USP43: variants seen among roughly 807,000 people sequenced by gnomAD.
USP43 encodes ubiquitin specific peptidase 43.
A neutral mutation model predicts 90.7 loss-of-function variants in USP43; 33 were observed. The ratio of observed to expected loss-of-function variants is 0.36; its 90% confidence interval spans 0.28 to 0.49. The LOEUF (loss-of-function observed/expected upper bound fraction) is 0.49, where lower values mean the gene tolerates loss of function less well. Ranked by LOEUF, USP43 falls within the 20% of genes least tolerant of loss-of-function variation. USP43 has a pLI of 0.98. For synonymous variants in USP43, 598 were observed against 615.8 expected (o/e 0.97, Z 0.43); for missense variants, 1,274 against 1,476.4 (o/e 0.86, Z 2.25).
intron 9 of USP43, among the ~76,000 whole-genome samples, chr17:9,697,540 T>C (rs1459560199): frequency 6.6e-6 from 1 of 152,236 alleles, no homozygotes; most frequent in African/African-American, 2.4e-5. Context: ...TATGTCCATG[T>C]GTACCCACGG....
intron 14 of USP43, among the ~76,000 whole-genome samples, chr17:9,720,014 C>G (rs936590483): frequency 1.3e-5 from 2 of 152,036 alleles, no homozygotes; most frequent in African/African-American, 4.8e-5. Flanking sequence ...TTGCACTGAG[C>G]CTTGATCGCA....
intron 7 of USP43, among the ~76,000 whole-genome samples, chr17:9,685,978 G>A (rs1458622498): frequency 6.6e-6 from 1 of 152,032 alleles, no homozygotes; most frequent in Non-Finnish European, 1.5e-5. Flanking sequence ...GCGCCTCCCA[G>A]CCTCTAGTAG....
intron 12 of USP43, among the ~76,000 whole-genome samples, chr17:9,702,288 C>T (rs547241634): frequency 2.9e-4 from 44 of 152,176 alleles, no homozygotes; most frequent in Admixed American, 7.9e-4. Context: ...AGGCTGAGGC[C>T]GTGGTGAACC....
chr17:9,693,714 T>G (rs535961817), intron 9 of USP43, among the ~76,000 whole-genome samples: 1 of 152,066 alleles, frequency 6.6e-6, no homozygotes, highest in African/African-American at 2.4e-5. Flanking sequence ...AGCACGCGCC[T>G]ATAATCCTAG....
intron 1 of USP43, among the ~76,000 whole-genome samples, chr17:9,651,424 TG>T (rs1276770749): frequency 3.3e-5 from 5 of 152,202 alleles, no homozygotes; most frequent in Non-Finnish European, 7.4e-5. Flanking sequence ...ACTCCTGACC[TG>T]TGAGCCACTT....
chr17:9,668,858 CAG>C (rs143262397), intron 3 of USP43, among the ~76,000 whole-genome samples: 12,557 of 152,114 alleles, frequency 0.083, 1,212 homozygotes, highest in African/African-American at 0.23. Flanking sequence ...TTTATTGAGA[CAG>C]AGTCTCCCTC....
intron 5 of USP43, among the ~76,000 whole-genome samples, chr17:9,679,822 A>G (rs1165604932): frequency 1.3e-5 from 2 of 152,166 alleles, no homozygotes; most frequent in African/African-American, 4.8e-5. Context: ...CTACTCTGCT[A>G]CAAAACCATC....
At chr17:9,695,139 C>A (rs1317558617) in intron 9 of USP43, among the ~76,000 whole-genome samples, 1 of 151,928 alleles carries the variant, frequency 6.6e-6, no homozygotes, top group African/African-American at 2.4e-5. Flanking sequence ...CTGTTCACCC[C>A]ACTCCCATCC....
rs1460798542 is a variant in USP43 at position 9,729,280 on chromosome 17, TACTA to T, written c.*292_*295del. 4.3e-6 allele frequency: 1 copy of T among 231,062 alleles called. No individual in the cohort carries two copies. Among genetic ancestry groups the T allele is most frequent in the Non-Finnish European group, 8.3e-6 (1 of 121,056 alleles). The allele number at this position is 231,062 out of a possible 1,614,324, so 14.3% of individuals were successfully genotyped here. ...CAGTTTCAGGGCAAGAACTGATATT[TACTA>T]AAGAGTTTTGGATGTGGGCAAACAA... On this transcript the variant is annotated 3_prime_UTR_variant, in exon 15 of 15. Coordinates refer to ENST00000285199, the MANE Select transcript of USP43 (RefSeq NM_153210.5).
At chr17:9,666,801 C>A in intron 3 of USP43, 50 bp downstream of exon 3, 1 of 1,432,888 alleles carries the variant, frequency 7.0e-7, no homozygotes, top group Non-Finnish European at 9.7e-7. Context: ...TCCGCAGACT[C>A]AATTCCTGGT....
intron 13 of USP43, among the ~76,000 whole-genome samples, chr17:9,711,241 G>C (rs923055652): frequency 6.6e-6 from 1 of 152,266 alleles, no homozygotes; most frequent in South Asian, 2.1e-4. Context: ...AACTGTGCAT[G>C]CTGGGGCCCT....
chr17:9,712,870 T>C (rs1285253119), intron 14 of USP43, among the ~76,000 whole-genome samples: 1 of 152,174 alleles, frequency 6.6e-6, no homozygotes, highest in Non-Finnish European at 1.5e-5. Flanking sequence ...TAATTGTACA[T>C]ATATTTGGGG....
chr17:9,703,716 T>C (rs1398096024), intron 12 of USP43, among the ~76,000 whole-genome samples: 1 of 152,190 alleles, frequency 6.6e-6, no homozygotes, highest in Non-Finnish European at 1.5e-5. Context: ...GGTGCCAACA[T>C]ACACAATCTT....
At chr17:9,660,245 G>A (rs1220213708) in intron 2 of USP43, among the ~76,000 whole-genome samples, 1 of 152,118 alleles carries the variant, frequency 6.6e-6, no homozygotes, top group African/African-American at 2.4e-5. Flanking sequence ...CCACCTCCCG[G>A]GTTCAAGAGA....
intron 1 of USP43, among the ~76,000 whole-genome samples, chr17:9,653,126 G>A (rs1911992425): frequency 6.6e-6 from 1 of 152,182 alleles, no homozygotes. Context: ...GCTGTTTATG[G>A]AGAGGGACAT....
Position 9,728,765 on chromosome 17 carries a change from G to A in USP43, c.3147G>A (p.Glu1049=), listed in dbSNP as rs1167937802. ...CACCTCCTGCCCTCAGGATCCCAGA[G>A]GGCCTGGCCAGGGGCCTGGGCAGCC... The part of the protein sequence containing the change: ...PGSPPALRIP[E]GLARGLGSRL... Residue 1049 remains glutamate (E), a synonymous_variant, in exon 15 of 15, where the codon GAG becomes GAA. Transcript: ENST00000285199. This position sits in a 1 kb window ranked among gnomAD's most constrained non-coding sequence, Gnocchi z 6.2. 4.4e-6 allele frequency: 7 copies of A among 1,606,370 alleles called. No homozygotes were observed. Among genetic ancestry groups the A allele is most frequent in the Non-Finnish European group, 5.1e-6 (6 of 1,176,282 alleles).
chr17:9,681,354 TAAATA>T (rs1479734588), intron 6 of USP43, among the ~76,000 whole-genome samples: 3 of 112,606 alleles, frequency 2.7e-5, no homozygotes, highest in Non-Finnish European at 5.1e-5. Context: ...ATAAATAAAA[TAAATA>T]AAATAAATAA....
intron 14 of USP43, among the ~76,000 whole-genome samples, chr17:9,722,477 GT>G (rs1233295584): frequency 3.7e-4 from 56 of 152,094 alleles, no homozygotes; most frequent in Admixed American, 3.7e-3. Context: ...TGTTCATTTC[GT>G]TTTTAAAGAT....
At chr17:9,659,290 T>A (rs1391432566) in intron 2 of USP43, among the ~76,000 whole-genome samples, 1 of 152,156 alleles carries the variant, frequency 6.6e-6, no homozygotes, top group Non-Finnish European at 1.5e-5. Flanking sequence ...TGACACAGAG[T>A]AGACAATAAA....
Sources: gnomAD v4.1 joint callset for allele counts (sites outside exome capture counted in the v4.1 genomes callset) on GRCh38, gnomAD v4.1.1 for gene constraint, Gnocchi (gnomAD v3.1) non-coding constraint, MANE v1.5 for transcripts, NCBI Gene and HGNC (gene_info 2026-07-23, HGNC 2026-07-21) for gene names.